LIMS1: variants seen among roughly 807,000 people sequenced by gnomAD.
LIMS1 encodes LIM zinc finger domain containing 1.
LIMS1 carries 18 observed loss-of-function variants against 44.1 expected under a neutral mutation model. That is an observed-to-expected ratio of 0.41 (90% CI 0.28 to 0.61). LIMS1 has a LOEUF of 0.61. Among genes scored for constraint, LIMS1 ranks in the 20% least tolerant of loss-of-function variants. The pLI, the probability that LIMS1 is intolerant of heterozygous loss-of-function variation, is 0.32. For synonymous variants in LIMS1, 93 were observed against 149.1 expected (o/e 0.62, Z 2.74); for missense variants, 201 against 422.0 (o/e 0.48, Z 4.59).
At chr2:108,584,302 C>G (rs1686009680) in intron 1 of LIMS1, among the ~76,000 whole-genome samples, 1 of 152,150 alleles carries the variant, frequency 6.6e-6, no homozygotes, top group African/African-American at 2.4e-5. Context: ...ATGCTTAGCT[C>G]TGAGAGGCCT....
intron 1 of LIMS1, among the ~76,000 whole-genome samples, chr2:108,657,495 C>A (rs1445850556): frequency 1.3e-5 from 2 of 152,292 alleles, no homozygotes; most frequent in African/African-American, 4.8e-5. Flanking sequence ...TTACCGTGCT[C>A]CTTCATCCAG....
chr2:108,602,484 G>A (rs1687066228), intron 1 of LIMS1, among the ~76,000 whole-genome samples: 1 of 152,032 alleles, frequency 6.6e-6, no homozygotes, highest in Non-Finnish European at 1.5e-5. Flanking sequence ...TTTTTTGAGG[G>A]TTTTTTAAAA....
chr2:108,548,781 G>A (rs1278947536), intron 1 of LIMS1, among the ~76,000 whole-genome samples: 5 of 152,276 alleles, frequency 3.3e-5, no homozygotes, highest in African/African-American at 9.6e-5. Flanking sequence ...AAGTTACGGC[G>A]ATAGGTTTTG....
At chr2:108,569,318 T>C (rs769971337) in intron 1 of LIMS1, among the ~76,000 whole-genome samples, 12 of 152,334 alleles carry the variant, frequency 7.9e-5, no homozygotes, top group Non-Finnish European at 1.5e-4. Context: ...GGTCCTTTGA[T>C]GCACAAAAGT....
At chr2:108,578,805 A>G (rs1685774819) in intron 1 of LIMS1, among the ~76,000 whole-genome samples, 1 of 152,046 alleles carries the variant, frequency 6.6e-6, no homozygotes, top group South Asian at 2.1e-4. Flanking sequence ...TGTGTTAGCC[A>G]GGATGGTCTC....
intron 1 of LIMS1, among the ~76,000 whole-genome samples, chr2:108,639,175 G>A (rs1689493448): frequency 6.6e-6 from 1 of 152,200 alleles, no homozygotes; most frequent in Admixed American, 6.5e-5. Flanking sequence ...CACAGTGGGT[G>A]CTATGGCTGC....
At chr2:108,585,989 C>G (rs551090255) in intron 1 of LIMS1, among the ~76,000 whole-genome samples, 2 of 152,108 alleles carry the variant, frequency 1.3e-5, no homozygotes, top group African/African-American at 4.8e-5. Flanking sequence ...GTCAGGAGAT[C>G]GAGACCATCC....
chr2:108,597,783 C>G (rs941833203), intron 1 of LIMS1, among the ~76,000 whole-genome samples: 50 of 151,214 alleles, frequency 3.3e-4, no homozygotes, highest in African/African-American at 1.2e-3. Context: ...ACCTCTGCCT[C>G]CTAGGTTCAA....
chr2:108,616,197 CTT>C (rs1159229290), intron 1 of LIMS1, among the ~76,000 whole-genome samples: 1,556 of 71,940 alleles, frequency 0.022, 17 homozygotes, highest in African/African-American at 0.048. Flanking sequence ...TTTGCATGGG[CTT>C]TTTTTTTTTT....
chr2:108,651,308 G>T (rs1690468897), intron 1 of LIMS1, among the ~76,000 whole-genome samples: 1 of 152,230 alleles, frequency 6.6e-6, no homozygotes, highest in African/African-American at 2.4e-5. Flanking sequence ...AGAGGCTAAT[G>T]GGAAGGTGAT....
chr2:108,547,586 A>G (rs927389814), intron 1 of LIMS1, among the ~76,000 whole-genome samples: 2 of 152,216 alleles, frequency 1.3e-5, no homozygotes, highest in Non-Finnish European at 2.9e-5. Context: ...CCTAGAAGCT[A>G]AAGCATAGGA....
chr2:108,673,165 G>C (rs1692259779), intron 5 of LIMS1, 136 bp downstream of exon 5: 3 of 1,325,468 alleles, frequency 2.3e-6, no homozygotes, highest in Admixed American at 2.3e-5. Context: ...CTATAGACGA[G>C]TCAAGAGAAT....
At chr2:108,563,785 C>T (rs935713269) in intron 1 of LIMS1, among the ~76,000 whole-genome samples, 3 of 152,006 alleles carry the variant, frequency 2.0e-5, no homozygotes, top group Non-Finnish European at 2.9e-5. Context: ...AGTGGCCAGG[C>T]GCATAGCTCA....
intron 1 of LIMS1, among the ~76,000 whole-genome samples, chr2:108,550,811 G>A (rs1168378255): frequency 2.2e-5 from 3 of 135,902 alleles, no homozygotes; most frequent in Non-Finnish European, 3.1e-5. Flanking sequence ...GAGAGACTCC[G>A]TCTCAAAAAA....
chr2:108,559,529 A>T (rs1359288239), intron 1 of LIMS1, among the ~76,000 whole-genome samples: 1 of 152,218 alleles, frequency 6.6e-6, no homozygotes, highest in Non-Finnish European at 1.5e-5. Flanking sequence ...TTTGCAGCAC[A>T]GTGCTAGGTT....
At chr2:108,650,323 T>C (rs1316163188) in intron 1 of LIMS1, among the ~76,000 whole-genome samples, 1 of 152,258 alleles carries the variant, frequency 6.6e-6, no homozygotes, top group Non-Finnish European at 1.5e-5. Flanking sequence ...ATATTTCTTT[T>C]AGCTTTACTC....
At chr2:108,539,367 G>T (rs567797474) in intron 1 of LIMS1, among the ~76,000 whole-genome samples, 1 of 152,308 alleles carries the variant, frequency 6.6e-6, no homozygotes, top group South Asian at 2.1e-4. Context: ...TTACAGGCGC[G>T]AGCCACTGCA....
chr2:108,656,605 G>T (rs1186979029), intron 1 of LIMS1, among the ~76,000 whole-genome samples: 1 of 151,182 alleles, frequency 6.6e-6, no homozygotes, highest in Non-Finnish European at 1.5e-5. Context: ...GCAGCAAGGT[G>T]ATTGTTCTGT....
intron 1 of LIMS1, among the ~76,000 whole-genome samples, chr2:108,657,360 G>A (rs1332169940): frequency 6.6e-6 from 1 of 152,290 alleles, no homozygotes; most frequent in African/African-American, 2.4e-5. Context: ...CTTTTGAGAG[G>A]GTTTAGAATT....
Sources: gnomAD v4.1 joint callset for allele counts (sites outside exome capture counted in the v4.1 genomes callset) on GRCh38, gnomAD v4.1.1 for gene constraint, MANE v1.5 for transcripts, NCBI Gene and HGNC (gene_info 2026-07-23, HGNC 2026-07-21) for gene names.